The following LGR6 variants were observed in gnomAD, a reference collection of about 807,000 sequenced individuals.
LGR6 encodes the protein leucine-rich repeat-containing G protein-coupled receptor 6.
In LGR6, 45 loss-of-function variants were observed where a neutral mutation model predicts 69.4. That is an observed-to-expected ratio of 0.65 (90% CI 0.51 to 0.83). The LOEUF (loss-of-function observed/expected upper bound fraction) is 0.83, where lower values mean the gene tolerates loss of function less well. LGR6 is among the 40% of genes least tolerant of loss of function. The pLI, the probability that LGR6 is intolerant of heterozygous loss-of-function variation, is 0.00. For missense variants in LGR6, 1,108 were observed against 1,246.7 expected (o/e 0.89, Z 1.68); for synonymous variants, 538 against 555.0 (o/e 0.97, Z 0.43).
intron 4 of LGR6, among the ~76,000 whole-genome samples, chr1:202,247,064 A>C (rs1484771725): frequency 2.0e-5 from 3 of 152,178 alleles, no homozygotes; most frequent in Admixed American, 1.3e-4. Context: ...AGCACTAGGG[A>C]AACTATAAAG....
intron 4 of LGR6, among the ~76,000 whole-genome samples, chr1:202,247,763 T>G (rs1157306558): frequency 6.6e-6 from 1 of 152,172 alleles, no homozygotes. Flanking sequence ...CAGGAGAAAG[T>G]GTATGACGAT....
chr1:202,216,390 G>GACA (rs1264151824), intron 1 of LGR6, among the ~76,000 whole-genome samples: 2 of 152,212 alleles, frequency 1.3e-5, no homozygotes, highest in South Asian at 4.1e-4. Context: ...AAGTCAGTCT[G>GACA]ACAACAGAGG....
intron 12 of LGR6, chr1:202,306,624 T>C: frequency 1.8e-6 from 1 of 546,512 alleles, no homozygotes; most frequent in Non-Finnish European, 3.3e-6. Context: ...GTGGGAACAC[T>C]GGAAGCTGAC....
At chr1:202,301,356 G>A (rs907341634) in intron 9 of LGR6, 121 bp downstream of exon 9, 24 of 848,012 alleles carry the variant, frequency 2.8e-5, no homozygotes, top group African/African-American at 1.3e-4. Flanking sequence ...ACTGCAAAGC[G>A]TGGTCTTCAA....
intron 3 of LGR6, among the ~76,000 whole-genome samples, chr1:202,234,646 AC>A (rs1661372460): frequency 6.6e-6 from 1 of 152,176 alleles, no homozygotes. Context: ...AGTTGTGTGC[AC>A]CCTCAGCATG....
chr1:202,273,567 C>T (rs1452563523), intron 4 of LGR6, among the ~76,000 whole-genome samples: 1 of 151,894 alleles, frequency 6.6e-6, no homozygotes, highest in Non-Finnish European at 1.5e-5. Flanking sequence ...AAGCAACTCT[C>T]CTGCCTCAGC....
intron 1 of LGR6, among the ~76,000 whole-genome samples, chr1:202,220,864 C>A (rs1473968472): frequency 1.3e-5 from 2 of 151,956 alleles, no homozygotes; most frequent in Non-Finnish European, 2.9e-5. Context: ...CACACACACA[C>A]AAACACATAC....
chr1:202,270,985 G>T (rs1206469979), intron 4 of LGR6, among the ~76,000 whole-genome samples: 3 of 152,184 alleles, frequency 2.0e-5, no homozygotes, highest in Admixed American at 6.5e-5. Flanking sequence ...AAGCAAGCCC[G>T]AACTGGCCTG....
At chr1:202,208,088 C>T (rs1659323100) in intron 1 of LGR6, among the ~76,000 whole-genome samples, 1 of 152,270 alleles carries the variant, frequency 6.6e-6, no homozygotes, top group Middle Eastern at 3.4e-3. Context: ...TTTTCTCTGT[C>T]CTGTGGAGTG....
At chr1:202,300,311 C>G (rs1376390146) in intron 7 of LGR6, among the ~76,000 whole-genome samples, 3 of 152,162 alleles carry the variant, frequency 2.0e-5, no homozygotes, top group African/African-American at 7.2e-5. Context: ...TGTCTCCACC[C>G]CTCACTCTTT....
chr1:202,276,178 C>CAA lies in LGR6; in HGVS notation c.429-128_429-127insAA, dbSNP rs1665535519. 4.3e-6 allele frequency: 3 copies of CAA among 696,204 alleles called. No homozygotes were observed. In the African/African-American group the frequency reaches 5.4e-5, roughly 12 times the overall value. The allele number at this position is 696,204 out of a possible 1,614,324, so 43.1% of individuals were successfully genotyped here. The stretch of plus-strand genomic sequence containing the variant: ...AGGCGGGATACAGGATACATGGTGG[C>CAA]CAAGTCACAACTTTAGTCCCAGGGA... On this transcript the variant is annotated intron_variant, in intron 4 of 17. Coordinates refer to ENST00000367278, the MANE Select transcript of LGR6 (RefSeq NM_001017403.2).
chr1:202,248,303 A>G (rs1035713535), intron 4 of LGR6, among the ~76,000 whole-genome samples: 6 of 152,178 alleles, frequency 3.9e-5, no homozygotes, highest in African/African-American at 7.2e-5. Flanking sequence ...CGCCCAGTGA[A>G]TCAGTGGCAG....
intron 6 of LGR6, among the ~76,000 whole-genome samples, chr1:202,295,867 ATTAGTGTG>A (rs1667116269): frequency 1.5e-5 from 2 of 129,898 alleles, no homozygotes; most frequent in South Asian, 5.2e-4. Flanking sequence ...TAATTGGGTA[ATTAGTGTG>A]TGTGTGTGTG....
At position 202,319,355 on chromosome 1, in the gene LGR6, C is replaced by G. The variant is rs1484704772; in HGVS notation, c.*148C>G. 4 of 868,774 alleles carry G rather than the reference C, an allele frequency of 4.6e-6. No homozygotes were observed. Among genetic ancestry groups the G allele is most frequent in the Non-Finnish European group, 6.8e-6 (4 of 590,360 alleles). The allele number at this position is 868,774 out of a possible 1,614,324, so 53.8% of individuals were successfully genotyped here. A position where few individuals can be genotyped will look rare whatever the true frequency, so the allele number is the denominator to read the frequency against. ...CAGTCCCTGGCTCCACTGATCACCTCTCTCCTGTGACCATCACCAACGGGT... is the reference window on the plus strand; with the variant it reads ...CAGTCCCTGGCTCCACTGATCACCTGTCTCCTGTGACCATCACCAACGGGT... On this transcript the variant is annotated 3_prime_UTR_variant, in exon 18 of 18. Coordinates refer to ENST00000367278, the MANE Select transcript of LGR6 (RefSeq NM_001017403.2).
chr1:202,197,982 C>T (rs539782704), intron 1 of LGR6, among the ~76,000 whole-genome samples: 47 of 152,312 alleles, frequency 3.1e-4, no homozygotes, highest in African/African-American at 1.1e-3. Context: ...ATTTTCATCG[C>T]CCACTGCCAC....
chr1:202,250,944 T>A (rs1663180468), intron 4 of LGR6, among the ~76,000 whole-genome samples: 8 of 152,164 alleles, frequency 5.3e-5, no homozygotes, highest in Admixed American at 4.6e-4. Flanking sequence ...GGTTCCCCCT[T>A]CCTCTACATT....
chr1:202,261,687 TA>T (rs1479656813), intron 4 of LGR6, among the ~76,000 whole-genome samples: 1 of 152,248 alleles, frequency 6.6e-6, no homozygotes, highest in Non-Finnish European at 1.5e-5. Flanking sequence ...TGAACTAGTT[TA>T]CAGTCCCACC....
chr1:202,301,313 C>T, intron 9 of LGR6, 78 bp downstream of exon 9: 2 of 1,230,266 alleles, frequency 1.6e-6, no homozygotes, highest in East Asian at 2.3e-5. Context: ...CTGCCTATCG[C>T]CTGCGGATCT....
intron 4 of LGR6, among the ~76,000 whole-genome samples, chr1:202,242,098 AG>A (rs1662257940): frequency 6.6e-6 from 1 of 152,152 alleles, no homozygotes; most frequent in Non-Finnish European, 1.5e-5. Flanking sequence ...TGACGTGGGA[AG>A]GAGGAGTGGC....
Sources: gnomAD v4.1 joint callset for allele counts (sites outside exome capture counted in the v4.1 genomes callset) on GRCh38, gnomAD v4.1.1 for gene constraint, MANE v1.5 for transcripts, NCBI Gene and HGNC (gene_info 2026-07-23, HGNC 2026-07-21) for gene names.